DTWD2: variants seen among roughly 807,000 people sequenced by gnomAD.
DTWD2 encodes tRNA-uridine aminocarboxypropyltransferase 2.
Under a neutral mutation model 31.8 loss-of-function variants are expected in DTWD2, and 39 were observed. The observed-to-expected ratio is 1.22, with a 90% CI of 0.95 to 1.60. The LOEUF (loss-of-function observed/expected upper bound fraction) is 1.60, where lower values mean the gene tolerates loss of function less well. DTWD2 is among the 40% of genes most tolerant of loss of function. DTWD2 has a pLI of 0.00. For synonymous variants in DTWD2, 180 were observed against 142.8 expected (o/e 1.26, Z -1.86); for missense variants, 515 against 381.5 (o/e 1.35, Z -2.92).
chr5:118,890,565 T>TC (rs1752957239), intron 4 of DTWD2, among the ~76,000 whole-genome samples: 1 of 115,532 alleles, frequency 8.7e-6, no homozygotes, highest in Admixed American at 8.3e-5. Flanking sequence ...GGTTTTCCTT[T>TC]TTTTTTTTTT....
rs891852180 is a variant in DTWD2, at chr5:118,964,167, G to A, written c.219-19518C>T. 5.4e-5 allele frequency among the ~76,000 whole-genome samples: 8 copies of A among 147,660 alleles called. No homozygotes were observed. The East Asian group carries it at 9.9e-4, about 18-fold the overall frequency. On this transcript the variant is annotated intron_variant, in intron 1 of 5. Transcript: ENST00000510708. ...GGAGTTGCGGTGGTTGCAGTGAGCC[G>A]AGATTGCACCACTACACTCCAACCT...
chr5:118,842,160 G>T (rs1751733860), intron 5 of DTWD2, among the ~76,000 whole-genome samples: 1 of 152,092 alleles, frequency 6.6e-6, no homozygotes, highest in African/African-American at 2.4e-5. Context: ...AATTTATAAT[G>T]AAATTAAATT....
chr5:118,953,379 A>G (rs1017550581), intron 1 of DTWD2, among the ~76,000 whole-genome samples: 2 of 152,252 alleles, frequency 1.3e-5, no homozygotes, highest in African/African-American at 4.8e-5. Context: ...TGTGAGAAGT[A>G]GTAATCAAAG....
At chr5:118,973,985 G>T in intron 1 of DTWD2, 2 of 1,589,462 alleles carry the variant, frequency 1.3e-6, no homozygotes, top group African/African-American at 1.3e-5. Flanking sequence ...GGAGGAAGAG[G>T]AGGAGGAAGA....
At chr5:118,973,763 A>T (rs1166608937) in intron 1 of DTWD2, 1 of 1,609,810 alleles carries the variant, frequency 6.2e-7, no homozygotes, top group African/African-American at 1.3e-5. Flanking sequence ...TTTCTTTTTA[A>T]TCGCCTGCAT....
chr5:118,868,892 T>C (rs1422414367), intron 4 of DTWD2, among the ~76,000 whole-genome samples: 1 of 149,670 alleles, frequency 6.7e-6, no homozygotes, highest in African/African-American at 2.5e-5. Flanking sequence ...ATTTTGGCTA[T>C]GCCACAGCAT....
At chr5:118,856,867 G>A (rs980249319) in intron 4 of DTWD2, among the ~76,000 whole-genome samples, 2 of 144,184 alleles carry the variant, frequency 1.4e-5, no homozygotes, top group African/African-American at 2.6e-5. Context: ...CTGCCTCCTG[G>A]GCTCAAGGGA....
chr5:118,885,473 A>C (rs1358247317), intron 4 of DTWD2, among the ~76,000 whole-genome samples: 1 of 150,432 alleles, frequency 6.6e-6, no homozygotes, highest in Non-Finnish European at 1.5e-5. Context: ...AAAAAAAAAA[A>C]AAAAAAAATT....
intron 1 of DTWD2, among the ~76,000 whole-genome samples, chr5:118,985,505 T>TACACACAC (rs2149605980): frequency 1.6e-5 from 2 of 123,642 alleles, no homozygotes; most frequent in Admixed American, 1.6e-4. Context: ...TATATATATA[T>TACACACAC]ATATATATAT....
At chr5:118,909,010 A>C (rs937373486) in intron 4 of DTWD2, among the ~76,000 whole-genome samples, 2 of 152,224 alleles carry the variant, frequency 1.3e-5, no homozygotes, top group African/African-American at 4.8e-5. Context: ...TCCTGAATGA[A>C]GCCAACGGTG....
intron 4 of DTWD2, among the ~76,000 whole-genome samples, chr5:118,863,885 T>C (rs1214021179): frequency 2.0e-5 from 3 of 151,940 alleles, no homozygotes; most frequent in African/African-American, 7.3e-5. Context: ...CCAAAGCCAC[T>C]GGCTAATAAA....
intron 1 of DTWD2, among the ~76,000 whole-genome samples, chr5:118,957,375 C>G (rs1219686923): frequency 6.6e-6 from 1 of 152,002 alleles, no homozygotes; most frequent in Non-Finnish European, 1.5e-5. Flanking sequence ...GGGCGCGCCA[C>G]CATGCCTGGC....
chr5:118,914,953 T>A (rs748359452), intron 4 of DTWD2, among the ~76,000 whole-genome samples: 1 of 152,154 alleles, frequency 6.6e-6, no homozygotes, highest in Non-Finnish European at 1.5e-5. Context: ...AAATTTAATT[T>A]TTCTGGCTCA....
chr5:118,970,324 G>A (rs995935079), intron 1 of DTWD2, among the ~76,000 whole-genome samples: 2 of 152,196 alleles, frequency 1.3e-5, no homozygotes, highest in Non-Finnish European at 2.9e-5. Flanking sequence ...CTACTCAGGA[G>A]GCTGAGGCAC....
chr5:118,951,904 G>A (rs925094335), intron 1 of DTWD2, among the ~76,000 whole-genome samples: 4 of 152,182 alleles, frequency 2.6e-5, no homozygotes, highest in Non-Finnish European at 4.4e-5. Flanking sequence ...GTGTCCCCGC[G>A]TGATTAAACA....
chr5:118,982,591 T>A lies in DTWD2; in HGVS notation c.218+5703A>T, dbSNP rs549205295. ...TTTTCTCTTGAGAATATATCTTTGA[T>A]ATATACAAAAATTAAACTTCAGAAT... On this transcript the variant is annotated intron_variant, in intron 1 of 5. Coordinates refer to ENST00000510708, the MANE Select transcript of DTWD2 (RefSeq NM_173666.4). 5.3e-5 allele frequency among the ~76,000 whole-genome samples: 8 copies of A among 152,166 alleles called. No homozygotes were observed. The South Asian group carries it at 1.7e-3, about 32-fold the overall frequency.
chr5:118,976,073 C>G (rs1224934212), intron 1 of DTWD2, among the ~76,000 whole-genome samples: 1 of 152,184 alleles, frequency 6.6e-6, no homozygotes, highest in Non-Finnish European at 1.5e-5. Flanking sequence ...AACTGAACAA[C>G]CTGCTCCTGA....
chr5:118,963,406 G>C (rs1561473328), intron 1 of DTWD2, among the ~76,000 whole-genome samples: 1 of 152,146 alleles, frequency 6.6e-6, no homozygotes. Context: ...CACCTGTTTT[G>C]GGGGAGCAGT....
At chr5:118,874,819 G>C (rs1362670674) in intron 4 of DTWD2, among the ~76,000 whole-genome samples, 6 of 152,102 alleles carry the variant, frequency 3.9e-5, no homozygotes, top group African/African-American at 1.4e-4. Flanking sequence ...ACTTCCCAAA[G>C]CTAGCTAGAG....
Sources: gnomAD v4.1 joint callset for allele counts (sites outside exome capture counted in the v4.1 genomes callset) on GRCh38, gnomAD v4.1.1 for gene constraint, MANE v1.5 for transcripts, NCBI Gene and HGNC (gene_info 2026-07-23, HGNC 2026-07-21) for gene names.